GAB2: variants seen among roughly 807,000 people sequenced by gnomAD.
GAB2 encodes GRB2-associated-binding protein 2.
GAB2 carries 26 observed loss-of-function variants against 65.5 expected under a neutral mutation model. That is an observed-to-expected ratio of 0.40 (90% CI 0.29 to 0.55). GAB2 has a LOEUF of 0.55. Among genes scored for constraint, GAB2 ranks in the 20% least tolerant of loss-of-function variants. The pLI is 0.53. For missense variants in GAB2, 884 were observed against 875.8 expected, an observed-to-expected ratio of 1.01 and a Z score of -0.12; for synonymous variants, 321 against 329.6, an observed-to-expected ratio of 0.97 and a Z score of 0.28.
At chr11:78,287,619 A>G (rs1866521195) in intron 1 of GAB2, among the ~76,000 whole-genome samples, 1 of 151,682 alleles carries the variant, frequency 6.6e-6, no homozygotes, top group Non-Finnish European at 1.5e-5. Context: ...TCCTAAGATC[A>G]GGAATAAGGC....
chr11:78,320,725 C>CTTTTTTTT (rs72241707), intron 1 of GAB2, among the ~76,000 whole-genome samples: 1 of 102,498 alleles, frequency 9.8e-6, no homozygotes, highest in African/African-American at 3.8e-5. Flanking sequence ...TAATTTTTGC[C>CTTTTTTTT]TTTTTTTTTT....
chr11:78,388,594 CTGGGATTACAGG>C lies in GAB2; in HGVS notation c.75+29040_75+29051del, dbSNP rs565610129. Among the ~76,000 whole-genome samples, 38 of 152,154 alleles carry C rather than the reference CTGGGATTACAGG, an allele frequency of 2.5e-4. No individual in the cohort carries two copies. The South Asian group carries it at 7.9e-3, about 32-fold the overall frequency. On this transcript the variant is annotated intron_variant, in intron 1 of 9. Coordinates refer to ENST00000361507, the MANE Select transcript of GAB2 (RefSeq NM_080491.3). The stretch of plus-strand genomic sequence containing the variant: ...CCTCCTGCCTCAGCCTCCCAAAAAG[CTGGGATTACAGG>C]TGTGAGCCACTGTGCCTGGCATCAT...
chr11:78,405,079 G>C (rs917441920), intron 1 of GAB2, among the ~76,000 whole-genome samples: 1 of 148,856 alleles, frequency 6.7e-6, no homozygotes, highest in Non-Finnish European at 1.5e-5. Context: ...AGAATGTGGG[G>C]AAAAAACATG....
intron 1 of GAB2, among the ~76,000 whole-genome samples, chr11:78,344,915 A>G (rs1856155724): frequency 6.6e-6 from 1 of 152,220 alleles, no homozygotes; most frequent in Admixed American, 6.5e-5. Context: ...AGTGAGTCAC[A>G]CTGCAGCCAT....
At chr11:78,258,576 ATAAT>A (rs1865655024) in intron 2 of GAB2, among the ~76,000 whole-genome samples, 1 of 150,912 alleles carries the variant, frequency 6.6e-6, no homozygotes, top group African/African-American at 2.4e-5. Flanking sequence ...GAGTTGAATT[ATAAT>A]TTTTTTTAAA....
intron 1 of GAB2, among the ~76,000 whole-genome samples, chr11:78,348,093 C>A (rs1435102204): frequency 6.6e-6 from 1 of 152,096 alleles, no homozygotes; most frequent in African/African-American, 2.4e-5. Context: ...TTATCTTCAT[C>A]TTGACATTGA....
At chr11:78,254,286 C>A (rs1480907454) in intron 2 of GAB2, among the ~76,000 whole-genome samples, 2 of 152,216 alleles carry the variant, frequency 1.3e-5, no homozygotes, top group Non-Finnish European at 2.9e-5. Flanking sequence ...GTATTCAATA[C>A]ACATTTGTTG....
At chr11:78,323,131 C>T (rs191196457) in intron 1 of GAB2, among the ~76,000 whole-genome samples, 1 of 152,244 alleles carries the variant, frequency 6.6e-6, no homozygotes, top group Admixed American at 6.5e-5. Flanking sequence ...TGGAATACTA[C>T]ACAGCTGTAA....
intron 1 of GAB2, among the ~76,000 whole-genome samples, chr11:78,367,114 C>G (rs1242194573): frequency 1.3e-5 from 2 of 152,136 alleles, no homozygotes; most frequent in African/African-American, 4.8e-5. Flanking sequence ...GGGAACATAG[C>G]TCAAATATCT....
intron 3 of GAB2, among the ~76,000 whole-genome samples, chr11:78,233,040 GT>G (rs372693456): frequency 1.0e-3 from 137 of 131,906 alleles, no homozygotes; most frequent in Non-Finnish European, 1.0e-3. Flanking sequence ...GCACTGTTAA[GT>G]TTTTTTTTTT....
At chr11:78,348,896 G>T (rs1856231276) in intron 1 of GAB2, among the ~76,000 whole-genome samples, 1 of 152,160 alleles carries the variant, frequency 6.6e-6, no homozygotes, top group African/African-American at 2.4e-5. Context: ...CAACAACATG[G>T]ACACATCCAG....
At chr11:78,338,921 A>G (rs1052104178) in intron 1 of GAB2, among the ~76,000 whole-genome samples, 13 of 150,170 alleles carry the variant, frequency 8.7e-5, no homozygotes, top group Non-Finnish European at 1.9e-4. Context: ...TTCCCTGTAC[A>G]CCCCCACATT....
chr11:78,221,889 C>G, intron 7 of GAB2, 110 bp from the exon 8 acceptor site: 1 of 725,098 alleles, frequency 1.4e-6, no homozygotes, highest in Non-Finnish European at 2.4e-6. Context: ...GCCATTAGAG[C>G]TGCACACTCC....
chr11:78,408,974 A>G (rs1359446864), intron 1 of GAB2, among the ~76,000 whole-genome samples: 1 of 152,214 alleles, frequency 6.6e-6, no homozygotes, highest in Non-Finnish European at 1.5e-5. Context: ...AGTTCTTTAC[A>G]GCAGTGCGAG....
intron 1 of GAB2, among the ~76,000 whole-genome samples, chr11:78,309,945 TG>T (rs1565153826): frequency 1.0e-4 from 14 of 138,392 alleles, no homozygotes; most frequent in African/African-American, 4.6e-4. Flanking sequence ...TGTGTGTGTG[TG>T]TGTGTGTGTG....
At chr11:78,348,036 A>G (rs1856218023) in intron 1 of GAB2, among the ~76,000 whole-genome samples, 1 of 152,188 alleles carries the variant, frequency 6.6e-6, no homozygotes, top group South Asian at 2.1e-4. Context: ...GGAAGATTAA[A>G]ATGTATTTAG....
chr11:78,343,683 C>G (rs1255619073), intron 1 of GAB2, among the ~76,000 whole-genome samples: 1 of 151,930 alleles, frequency 6.6e-6, no homozygotes, highest in Non-Finnish European at 1.5e-5. Flanking sequence ...ACAAATGTAG[C>G]GTGAGGCACA....
At position 78,369,872 on chromosome 11, in the gene GAB2, T is replaced by C. The variant is rs114099739; in HGVS notation, c.75+47774A>G. On this transcript the variant is annotated intron_variant, in intron 1 of 9. Transcript: ENST00000361507. ...AAGGTTATCACCAGATGATGGCATC[T>C]GGCGTGGGGTTTTTTGTTTGTTTGT... is the stretch of plus-strand genomic sequence containing the variant. 2.2e-3 allele frequency among the ~76,000 whole-genome samples: 333 copies of C among 152,346 alleles called. 1 individual carries two copies. Among genetic ancestry groups the C allele is most frequent in the African/African-American group, 7.0e-3 (292 of 41,594 alleles).
intron 1 of GAB2, among the ~76,000 whole-genome samples, chr11:78,387,284 A>T (rs183832123): frequency 1.3e-5 from 2 of 152,282 alleles, no homozygotes; most frequent in Admixed American, 1.3e-4. Flanking sequence ...CATGCTTCCC[A>T]CATGATCCCT....
Sources: gnomAD v4.1 joint callset for allele counts (sites outside exome capture counted in the v4.1 genomes callset) on GRCh38, gnomAD v4.1.1 for gene constraint, MANE v1.5 for transcripts, NCBI Gene and HGNC (gene_info 2026-07-23, HGNC 2026-07-21) for gene names.